PLCL2: variants seen among roughly 807,000 people sequenced by gnomAD.
PLCL2 encodes inactive phospholipase C-like protein 2.
Under a neutral mutation model 79.6 loss-of-function variants are expected in PLCL2, and 4 were observed. That is an observed-to-expected ratio of 0.05 (90% CI 0.02 to 0.11). PLCL2 has a LOEUF of 0.11. Ranked by LOEUF, PLCL2 falls within the 10% of genes least tolerant of loss-of-function variation. The pLI, the probability that PLCL2 is intolerant of heterozygous loss-of-function variation, is 1.00. For synonymous variants in PLCL2, 484 were observed against 457.7 expected (o/e 1.06, Z -0.73); for missense variants, 895 against 1,291.0 (o/e 0.69, Z 4.70).
intron 2 of PLCL2, among the ~76,000 whole-genome samples, chr3:17,013,211 G>A (rs1267736874): frequency 6.6e-6 from 1 of 152,190 alleles, no homozygotes; most frequent in Non-Finnish European, 1.5e-5. Context: ...TGTGGTGTGT[G>A]TGACACAGAA....
In PLCL2 at chr3:17,012,055, G is replaced by A. The variant is rs1223568717; in HGVS notation, c.2709G>A (p.Arg903=). 2 of 1,614,040 alleles carry A rather than the reference G, an allele frequency of 1.2e-6. No individual in the cohort carries two copies. The highest frequency in any genetic ancestry group is 1.7e-6 in the Non-Finnish European group (2 of 1,180,014). Residue 903 remains arginine (R), a synonymous_variant, in exon 2 of 6, where the codon AGG becomes AGA. Coordinates refer to ENST00000615277, the MANE Select transcript of PLCL2 (RefSeq NM_001144382.2). ...CTGTGAGAAAAGGGAAGAAATCCAG[G>A]GAATATGCATCTTTGAGAACACTGT... ...GLSVRKGKKS[R]EYASLRTLWI... is the part of the protein sequence containing the mutation.
chr3:16,939,045 T>C (rs528056712), intron 1 of PLCL2, among the ~76,000 whole-genome samples: 28 of 152,346 alleles, frequency 1.8e-4, no homozygotes, highest in African/African-American at 5.8e-4. Flanking sequence ...AATATTACTG[T>C]GAATCCATGC....
intron 4 of PLCL2, among the ~76,000 whole-genome samples, chr3:17,052,779 CACGTGATAAATAGTAA>C (rs1194116748): frequency 1.1e-4 from 16 of 152,272 alleles, no homozygotes; most frequent in African/African-American, 3.9e-4. Flanking sequence ...GATCCACTTC[CACGTGATAAATAGTAA>C]ATACATTTTC....
intron 1 of PLCL2, among the ~76,000 whole-genome samples, chr3:16,953,713 T>A (rs1162353536): frequency 6.6e-6 from 1 of 152,114 alleles, no homozygotes; most frequent in Non-Finnish European, 1.5e-5. Flanking sequence ...GAGAAAGGAA[T>A]TAGATGGGTT....
At chr3:16,889,201 A>C (rs1696291323) in intron 1 of PLCL2, among the ~76,000 whole-genome samples, 1 of 152,212 alleles carries the variant, frequency 6.6e-6, no homozygotes, top group South Asian at 2.1e-4. Flanking sequence ...TGCTAACCAC[A>C]GAGACAGGAG....
intron 1 of PLCL2, among the ~76,000 whole-genome samples, chr3:16,938,035 T>C (rs1319663863): frequency 1.3e-5 from 2 of 152,226 alleles, no homozygotes; most frequent in Non-Finnish European, 2.9e-5. Context: ...TAGTACTGCT[T>C]TCAAGCATGA....
Position 17,011,761 on chromosome 3 carries a change from T to C in PLCL2, c.2415T>C (p.Asn805=), listed in dbSNP as rs1433476044. Residue 805 remains asparagine, a synonymous_variant, in exon 2 of 6, where the codon AAT becomes AAC. Transcript: ENST00000615277. The surrounding 1 kb of genome is among the most constrained non-coding windows in gnomAD (Gnocchi z 7.9). ...AEQRTKTVHQ[N]GDAPIFDESF... ...AAAGGACAAAAACAGTGCACCAGAATGGAGACGCTCCCATTTTTGATGAAA... is the reference window on the plus strand; with the variant it reads ...AAAGGACAAAAACAGTGCACCAGAACGGAGACGCTCCCATTTTTGATGAAA... The C allele has an allele frequency of 1.6e-5, 26 of 1,614,000 alleles. No individual in the cohort carries two copies. The highest frequency in any genetic ancestry group is 2.2e-5 in the East Asian group (1 of 44,882).
At chr3:17,067,605 C>A (rs1317771160) in intron 4 of PLCL2, among the ~76,000 whole-genome samples, 1 of 152,174 alleles carries the variant, frequency 6.6e-6, no homozygotes, top group African/African-American at 2.4e-5. Context: ...TTCTGAGAGT[C>A]CAAGTCCAGA....
At chr3:17,028,170 G>A (rs139611951) in intron 3 of PLCL2, among the ~76,000 whole-genome samples, 30 of 152,242 alleles carry the variant, frequency 2.0e-4, no homozygotes, top group African/African-American at 7.0e-4. Context: ...ATTGGGTAGA[G>A]TTAGTGAGCA....
intron 1 of PLCL2, among the ~76,000 whole-genome samples, chr3:16,981,108 C>A (rs2063991531): frequency 1.3e-5 from 2 of 152,104 alleles, no homozygotes; most frequent in East Asian, 3.9e-4. Flanking sequence ...TTCGGCTCGG[C>A]ATCAGAGGGA....
chr3:17,071,179 G>C lies in PLCL2; in HGVS notation c.3204+3114G>C, dbSNP rs2065056808. On this transcript the variant is annotated intron_variant, in intron 5 of 5. Coordinates refer to ENST00000615277, the MANE Select transcript of PLCL2 (RefSeq NM_001144382.2). ...GGGTGGCCAGCCATCCTAGAAGCAA[G>C]ACATTCAGTGCTAAAACCAGGACAA... is the stretch of plus-strand genomic sequence containing the variant. 1.3e-5 allele frequency among the ~76,000 whole-genome samples: 2 copies of C among 152,156 alleles called. 1 individual carries two copies. The highest frequency in any genetic ancestry group is 4.1e-4 in the South Asian group (2 of 4,822).
At chr3:16,901,510 G>A (rs897551261) in intron 1 of PLCL2, among the ~76,000 whole-genome samples, 4 of 152,298 alleles carry the variant, frequency 2.6e-5, no homozygotes, top group Non-Finnish European at 4.4e-5. Context: ...CCCCCTCACC[G>A]TCCTTAGCAT....
intron 5 of PLCL2, among the ~76,000 whole-genome samples, chr3:17,086,775 C>A (rs1042601192): frequency 6.6e-6 from 1 of 152,072 alleles, no homozygotes; most frequent in African/African-American, 2.4e-5. Flanking sequence ...AAAGTCTGAG[C>A]AGTCAAAGAG....
At chr3:16,953,144 A>T (rs994413695) in intron 1 of PLCL2, among the ~76,000 whole-genome samples, 1 of 152,194 alleles carries the variant, frequency 6.6e-6, no homozygotes, top group Non-Finnish European at 1.5e-5. Context: ...TGACCAAGAC[A>T]TATTATGTGA....
intron 1 of PLCL2, among the ~76,000 whole-genome samples, chr3:16,892,824 T>G (rs1233682537): frequency 1.3e-5 from 2 of 152,164 alleles, no homozygotes; most frequent in African/African-American, 4.8e-5. Flanking sequence ...GAACCCATTC[T>G]ACAAGGTTTG....
intron 4 of PLCL2, among the ~76,000 whole-genome samples, chr3:17,045,754 TGA>T (rs1285832144): frequency 6.6e-6 from 1 of 151,996 alleles, no homozygotes; most frequent in Non-Finnish European, 1.5e-5. Context: ...AGATTCAGGA[TGA>T]AGGATGTGAG....
At chr3:16,909,572 G>A (rs958827254) in intron 1 of PLCL2, among the ~76,000 whole-genome samples, 11 of 152,158 alleles carry the variant, frequency 7.2e-5, no homozygotes, top group African/African-American at 2.4e-4. Context: ...GTATCAAGAG[G>A]ATTGGGAACA....
intron 3 of PLCL2, among the ~76,000 whole-genome samples, chr3:17,031,560 T>A (rs1203579766): frequency 6.6e-6 from 1 of 152,144 alleles, no homozygotes; most frequent in Non-Finnish European, 1.5e-5. Flanking sequence ...AGGATGGGGT[T>A]TGTGTATGTG....
intron 1 of PLCL2, among the ~76,000 whole-genome samples, chr3:16,970,342 G>A (rs965148537): frequency 4.6e-5 from 7 of 151,506 alleles, no homozygotes; most frequent in Non-Finnish European, 7.4e-5. Flanking sequence ...ATAGTTTACT[G>A]AGAATGATGA....
Sources: gnomAD v4.1 joint callset for allele counts (sites outside exome capture counted in the v4.1 genomes callset) on GRCh38, gnomAD v4.1.1 for gene constraint, Gnocchi (gnomAD v3.1) non-coding constraint, MANE v1.5 for transcripts, NCBI Gene and HGNC (gene_info 2026-07-23, HGNC 2026-07-21) for gene names.